Variants in PCDHGA10 observed in about 807,000 individuals in gnomAD.
PCDHGA10 encodes protocadherin gamma-A10.
Under a neutral mutation model 59.5 loss-of-function variants are expected in PCDHGA10, and 42 were observed. The ratio of observed to expected loss-of-function variants is 0.71; its 90% CI spans 0.55 to 0.91. PCDHGA10 has a LOEUF of 0.91. Ranked by LOEUF, PCDHGA10 falls within the 40% of genes least tolerant of loss-of-function variation. The pLI is 0.00. For synonymous variants in PCDHGA10, 511 were observed against 517.2 expected, an observed-to-expected ratio of 0.99 and a Z score of 0.16; for missense variants, 1,111 against 1,198.2, an observed-to-expected ratio of 0.93 and a Z score of 1.07.
At chr5:141,449,450 T>C (rs1269861041) in intron 1 of PCDHGA10, among the ~76,000 whole-genome samples, 2 of 151,216 alleles carry the variant, frequency 1.3e-5, no homozygotes, top group Non-Finnish European at 2.9e-5. Context: ...CTACTAAAAA[T>C]ACAAAAATTA....
At chr5:141,478,567 C>T (rs371741874) in intron 1 of PCDHGA10, 20 of 1,593,698 alleles carry the variant, frequency 1.3e-5, no homozygotes, top group Non-Finnish European at 1.7e-5. Flanking sequence ...GCAAGTCATG[C>T]TTGACCCTGT....
At position 141,512,161 on chromosome 5, in the gene PCDHGA10, G is replaced by A. The variant is rs1176664723; in HGVS notation, c.*988G>A. On this transcript the variant is annotated 3_prime_UTR_variant, in exon 4 of 4. Transcript: ENST00000398610. ...AGCCAGCTTTGGGCTGAGCTAACAGGACCAATGGATTAAACTGGCATTTCA... is the reference window on the plus strand; with the variant it reads ...AGCCAGCTTTGGGCTGAGCTAACAGAACCAATGGATTAAACTGGCATTTCA... The A allele has an allele frequency of 6.5e-6, 1 of 152,704 alleles. No homozygotes were observed. Among genetic ancestry groups the A allele is most frequent in the African/African-American group, 2.4e-5 (1 of 41,440 alleles). 9.5% of individuals were successfully genotyped at this position (152,704 alleles called of 1,614,324 possible). A position where few individuals can be genotyped will look rare whatever the true frequency, so the allele number is the denominator to read the frequency against.
intron 1 of PCDHGA10, chr5:141,478,768 A>G: frequency 6.7e-7 from 1 of 1,501,046 alleles, no homozygotes; most frequent in African/African-American, 1.4e-5. Context: ...TACTTGACTC[A>G]TCTGTGGACC....
chr5:141,458,165 A>T lies in PCDHGA10; in HGVS notation c.2437-36642A>T, dbSNP rs10075475. On this transcript the variant is annotated intron_variant, in intron 1 of 3. Coordinates refer to ENST00000398610, the MANE Select transcript of PCDHGA10 (RefSeq NM_018913.3). Reference sequence around the variant, plus strand: ...TGAACATGCTCCAAATTTTGTTCACAGTAGTATACCTTACTTGATTATTAA... The same window carrying T: ...TGAACATGCTCCAAATTTTGTTCACTGTAGTATACCTTACTTGATTATTAA... Among the ~76,000 whole-genome samples the T allele has an allele frequency of 2.4e-3, 368 of 152,356 alleles. 2 individuals carry two copies. The highest frequency in any genetic ancestry group is 8.5e-3 in the African/African-American group (354 of 41,588).
rs770391604 is a variant in PCDHGA10, at chr5:141,431,437, G to A, written c.2436+15826G>A. On this transcript the variant is annotated intron_variant, in intron 1 of 3. Coordinates refer to ENST00000398610, the MANE Select transcript of PCDHGA10 (RefSeq NM_018913.3). The surrounding 1 kb of genome is among the most constrained non-coding windows in gnomAD (Gnocchi z 4.8). ...GCGACCCGGTGCGCACAGGCACCGC[G>A]CGCATCCGCGTGATGGTTCTGGATG... The A allele has an allele frequency of 7.4e-6, 12 of 1,613,710 alleles. No homozygotes were observed. In the East Asian group the frequency reaches 2.5e-4, roughly 33 times the overall value.
intron 1 of PCDHGA10, chr5:141,421,959 A>G (rs2096614103): frequency 1.9e-6 from 3 of 1,612,798 alleles, no homozygotes; most frequent in East Asian, 2.2e-5. Flanking sequence ...CAATGTTTAC[A>G]CAGTCCGTAT....
intron 1 of PCDHGA10, among the ~76,000 whole-genome samples, chr5:141,434,452 G>T (rs2097695209): frequency 6.6e-6 from 1 of 152,334 alleles, no homozygotes; most frequent in African/African-American, 2.4e-5. Flanking sequence ...CTGGAAGGTA[G>T]TGGGTTTACC....
In PCDHGA10 at chr5:141,432,476, A is replaced by C; in HGVS notation, c.2436+16865A>C. 6.2e-7 allele frequency: 1 copy of C among 1,614,080 alleles called. No homozygotes were observed. The highest frequency in any genetic ancestry group is 8.5e-7 in the Non-Finnish European group (1 of 1,180,012). Reference sequence around the variant, plus strand: ...CCCCGCCCTCCCCACGGACGGTTCCACTGGCGTGGAGCTGGCTCCCCGCTC... The same window carrying C: ...CCCCGCCCTCCCCACGGACGGTTCCCCTGGCGTGGAGCTGGCTCCCCGCTC... On this transcript the variant is annotated intron_variant, in intron 1 of 3. Transcript: ENST00000398610. The surrounding 1 kb of genome is among the most constrained non-coding windows in gnomAD (Gnocchi z 6.0).
intron 1 of PCDHGA10, among the ~76,000 whole-genome samples, chr5:141,479,979 T>C (rs67253891): frequency 0.061 from 9,352 of 152,266 alleles, 334 homozygotes; most frequent in South Asian, 0.12. Context: ...GTTCTACCAT[T>C]TACCAACTAG....
At position 141,444,152 on chromosome 5, in the gene PCDHGA10, A is replaced by ATT. The variant is rs747671382; in HGVS notation, c.2436+28576_2436+28577dup. ...GATATGTGTCACTTGTGTGTACTGG[A>ATT]TTTTTTTTTTTTTTTTTTTTTTTTT... On this transcript the variant is annotated intron_variant, in intron 1 of 3. Coordinates refer to ENST00000398610, the MANE Select transcript of PCDHGA10 (RefSeq NM_018913.3). Among the ~76,000 whole-genome samples, 286 of 33,894 alleles carry ATT rather than the reference A, an allele frequency of 8.4e-3. 107 individuals carry two copies. The highest frequency in any genetic ancestry group is 0.011 in the African/African-American group (76 of 7,180). The allele number at this position is 33,894 out of a possible 152,430, so 22.2% of individuals were successfully genotyped here. A position where few individuals can be genotyped will look rare whatever the true frequency, so the allele number is the denominator to read the frequency against.
intron 1 of PCDHGA10, among the ~76,000 whole-genome samples, chr5:141,434,259 G>A (rs1452016594): frequency 6.6e-6 from 1 of 152,230 alleles, no homozygotes; most frequent in Non-Finnish European, 1.5e-5. Flanking sequence ...CATTGTGGGG[G>A]AGGTGGAAAT....
At position 141,444,986 on chromosome 5, in the gene PCDHGA10, T is replaced by C. The variant is rs990862582; in HGVS notation, c.2436+29375T>C. On this transcript the variant is annotated intron_variant, in intron 1 of 3. Transcript: ENST00000398610. ...TGACACTTCAAATCCATGAACATGG[T>C]ATATATTTCCATTTAATTAGGTCTT... Among the ~76,000 whole-genome samples, 4 of 152,206 alleles carry C rather than the reference T, an allele frequency of 2.6e-5. No individual in the cohort carries two copies. The East Asian group carries it at 7.7e-4, about 29-fold the overall frequency.
intron 1 of PCDHGA10, among the ~76,000 whole-genome samples, chr5:141,460,951 G>GTATATA (rs200454978): frequency 7.2e-6 from 1 of 139,722 alleles, no homozygotes; most frequent in African/African-American, 2.8e-5. Flanking sequence ...TATGTATTAT[G>GTATATA]TATATATATA....
chr5:141,477,988 C>T lies in PCDHGA10; in HGVS notation c.2437-16819C>T, dbSNP rs771241128. The T allele has an allele frequency of 6.2e-7, 1 of 1,614,160 alleles. No individual in the cohort carries two copies. Among genetic ancestry groups the T allele is most frequent in the Non-Finnish European group, 8.5e-7 (1 of 1,180,032 alleles). On this transcript the variant is annotated intron_variant, in intron 1 of 3. Coordinates refer to ENST00000398610, the MANE Select transcript of PCDHGA10 (RefSeq NM_018913.3). This position sits in a 1 kb window ranked among gnomAD's most constrained non-coding sequence, Gnocchi z 4.9. ...AGAGCCTTTTTGCCATAGGGCTGCA[C>T]ACTGGTCAAATCAGTACTGCCCGTC...
chr5:141,421,109 T>C (rs2096547097), intron 1 of PCDHGA10: 2 of 715,670 alleles, frequency 2.8e-6, no homozygotes, highest in East Asian at 2.8e-5. Flanking sequence ...GACTTAGAAG[T>C]ATTTTCCTTC....
intron 1 of PCDHGA10, among the ~76,000 whole-genome samples, chr5:141,472,602 T>C (rs1032061805): frequency 4.6e-5 from 7 of 152,026 alleles, no homozygotes; most frequent in African/African-American, 1.4e-4. Context: ...CTTGAAATTA[T>C]AAAACAAAGA....
chr5:141,428,037 C>T, intron 1 of PCDHGA10: 1 of 1,608,458 alleles, frequency 6.2e-7, no homozygotes, highest in South Asian at 1.1e-5. Context: ...GTCCGGCTAC[C>T]TGGTGACCAA....
At position 141,487,137 on chromosome 5, in the gene PCDHGA10, T is replaced by A. The variant is rs2154580779; in HGVS notation, c.2437-7670T>A. ...GTAAAGGATAGTGGTAGTCCACCAC[T>A]CTCTACCTCTGTTACTCTCTTAGTG... On this transcript the variant is annotated intron_variant, in intron 1 of 3. Coordinates refer to ENST00000398610, the MANE Select transcript of PCDHGA10 (RefSeq NM_018913.3). The surrounding 1 kb of genome is among the most constrained non-coding windows in gnomAD (Gnocchi z 5.0). 1.9e-6 allele frequency: 3 copies of A among 1,614,092 alleles called. No individual in the cohort carries two copies. The East Asian group carries it at 6.7e-5, about 36-fold the overall frequency.
intron 1 of PCDHGA10, among the ~76,000 whole-genome samples, chr5:141,472,967 C>G (rs1040253926): frequency 1.7e-5 from 1 of 58,336 alleles, no homozygotes; most frequent in South Asian, 5.1e-4. Flanking sequence ...GCCTGGGGAA[C>G]AAGAGTGAAA....
Sources: allele counts gnomAD v4.1 joint callset (sites outside exome capture counted in the v4.1 genomes callset), GRCh38; gene constraint gnomAD v4.1.1; non-coding constraint Gnocchi (gnomAD v3.1); transcripts MANE v1.5; gene names NCBI Gene and HGNC (gene_info 2026-07-23, HGNC 2026-07-21).